Variants in PAPOLG observed in about 807,000 individuals in gnomAD.
PAPOLG encodes PAP-gamma.
A neutral mutation model predicts 99.0 loss-of-function variants in PAPOLG; 40 were observed. That is an observed-to-expected ratio of 0.40 (90% confidence interval 0.31 to 0.53). The LOEUF (loss-of-function observed/expected upper bound fraction) is 0.53. Ranked by LOEUF, PAPOLG falls within the 20% of genes least tolerant of loss-of-function variation. The pLI is 0.41. For missense variants in PAPOLG, 675 were observed against 884.1 expected, an observed-to-expected ratio of 0.76 and a Z score of 3.00; for synonymous variants, 310 against 299.3, an observed-to-expected ratio of 1.04 and a Z score of -0.37.
At chr2:60,762,947 A>T (rs906044172) in intron 3 of PAPOLG, among the ~76,000 whole-genome samples, 26 of 147,132 alleles carry the variant, frequency 1.8e-4, no homozygotes, top group Admixed American at 6.7e-4. Context: ...TCATTATTTT[A>T]TTTTATTTTT....
At position 60,774,722 on chromosome 2, in the gene PAPOLG, A is replaced by G. The variant is rs906922403; in HGVS notation, c.605-312A>G. ...TTTCCAGATTGTAACAGTAAATTAC[A>G]GTATTTGTGGAAAAGGTTTACATTG... On this transcript the variant is annotated intron_variant, in intron 7 of 21. Coordinates refer to ENST00000238714, the MANE Select transcript of PAPOLG (RefSeq NM_022894.4). Among the ~76,000 whole-genome samples, 4 of 152,328 alleles carry G rather than the reference A, an allele frequency of 2.6e-5. No homozygotes were observed. In the South Asian group the frequency reaches 8.3e-4, roughly 32 times the overall value.
intron 3 of PAPOLG, 137 bp downstream of exon 3, chr2:60,761,944 CT>C (rs1670532708): frequency 1.5e-6 from 1 of 687,808 alleles, no homozygotes; most frequent in South Asian, 1.9e-5. Context: ...ATGAATTGGT[CT>C]AGACAGTTGA....
At chr2:60,764,878 T>C (rs1457293237) in intron 3 of PAPOLG, among the ~76,000 whole-genome samples, 2 of 152,194 alleles carry the variant, frequency 1.3e-5, no homozygotes, top group Admixed American at 6.5e-5. Context: ...CTATTTACTT[T>C]TGTTGCCAAA....
intron 3 of PAPOLG, among the ~76,000 whole-genome samples, chr2:60,767,955 G>A (rs1320696436): frequency 6.6e-6 from 1 of 152,144 alleles, no homozygotes; most frequent in Non-Finnish European, 1.5e-5. Flanking sequence ...GGGTGAATTT[G>A]TTTTGTCTTT....
At chr2:60,774,596 C>T (rs1194563451) in intron 7 of PAPOLG, among the ~76,000 whole-genome samples, 2 of 152,142 alleles carry the variant, frequency 1.3e-5, no homozygotes, top group Non-Finnish European at 2.9e-5. Flanking sequence ...GAGCGCCTGA[C>T]CTCAGGTGAT....
Position 60,797,289 on chromosome 2 carries a change from C to T in PAPOLG, c.*129C>T. Reference sequence around the variant, plus strand: ...AAGTGACAGCCTTCAGTCTAATAACCTTGAAGTGGTTTTTGAACTGTCAAA... The same window carrying T: ...AAGTGACAGCCTTCAGTCTAATAACTTTGAAGTGGTTTTTGAACTGTCAAA... On this transcript the variant is annotated 3_prime_UTR_variant, in exon 22 of 22. Transcript: ENST00000238714. The T allele has an allele frequency of 8.4e-7, 1 of 1,194,792 alleles. No individual in the cohort carries two copies. Among genetic ancestry groups the T allele is most frequent in the South Asian group, 1.4e-5 (1 of 71,826 alleles). The allele number at this position is 1,194,792 out of a possible 1,614,324, so 74.0% of individuals were successfully genotyped here.
In PAPOLG at chr2:60,756,487, G is replaced by C. The variant is rs1245063360; in HGVS notation, c.9G>C (p.Glu3Asp). Residue 3 changes from glutamate to aspartate, a missense_variant, in exon 1 of 22, where the codon GAG becomes GAC. Glu to Asp is a conservative substitution (Grantham distance 45). This residue lies in a region of PAPOLG where 149 missense variants were observed against 192.1 expected (regional missense o/e 0.78). Transcript: ENST00000238714. MK[E>D]MSANTVLDSQ... ...GGGAGACGCAGGAAGCGATGAAAGA[G>C]ATGTCTGCGTAAGTGGTGGGGGGCG... The C allele has an allele frequency of 1.3e-6, 2 of 1,586,294 alleles. No individual in the cohort carries two copies. Among genetic ancestry groups the C allele is most frequent in the Non-Finnish European group, 1.7e-6 (2 of 1,163,764 alleles).
chr2:60,764,503 G>A (rs988171024), intron 3 of PAPOLG, among the ~76,000 whole-genome samples: 21 of 150,212 alleles, frequency 1.4e-4, no homozygotes, highest in African/African-American at 4.7e-4. Flanking sequence ...TGCAACCTCC[G>A]CCTCCCAGGC....
intron 8 of PAPOLG, 21 bp downstream of exon 8, chr2:60,775,144 A>G (rs761935001): frequency 6.3e-7 from 1 of 1,589,328 alleles, no homozygotes; most frequent in South Asian, 1.2e-5. Flanking sequence ...CTAGTCTTTT[A>G]TGTTTGCATT....
At position 60,757,075 on chromosome 2, in the gene PAPOLG, G is replaced by A. The variant is rs116017619; in HGVS notation, c.17+580G>A. On this transcript the variant is annotated intron_variant, in intron 1 of 21. Transcript: ENST00000238714. ...CTTTGATAAGTCAGAAACAGTTCCC[G>A]TACTTGGCAAGATTTTGTTGTAGCT... 7.5e-3 allele frequency among the ~76,000 whole-genome samples: 1,137 copies of A among 151,238 alleles called. 6 individuals carry two copies. The highest frequency in any genetic ancestry group is 0.011 in the Non-Finnish European group (761 of 67,846).
At position 60,782,784 on chromosome 2, in the gene PAPOLG, T is replaced by C; in HGVS notation, c.1112+14T>C. 1 of 1,550,922 alleles carries C rather than the reference T, an allele frequency of 6.4e-7. No individual in the cohort carries two copies. The highest frequency in any genetic ancestry group is 8.6e-7 in the Non-Finnish European group (1 of 1,158,030). ...TCAAAAGTATAGGTACGTGAAATTT[T>C]GTATTTTGTATGTATGTGATTTTTT... On this transcript the variant is annotated intron_variant, in intron 12 of 21. Coordinates refer to ENST00000238714, the MANE Select transcript of PAPOLG (RefSeq NM_022894.4).
At chr2:60,770,690 C>G (rs531482545) in intron 6 of PAPOLG, among the ~76,000 whole-genome samples, 179 bp downstream of exon 6, 1 of 151,786 alleles carries the variant, frequency 6.6e-6, no homozygotes, top group Admixed American at 6.6e-5. Flanking sequence ...GTGACACAAT[C>G]ATAGCTCACT....
chr2:60,762,772 G>A (rs1282474517), intron 3 of PAPOLG, among the ~76,000 whole-genome samples: 3 of 151,254 alleles, frequency 2.0e-5, no homozygotes, highest in Admixed American at 1.3e-4. Context: ...GACTACAGAC[G>A]TGTACCACCA....
At chr2:60,766,302 T>A (rs17538127) in intron 3 of PAPOLG, among the ~76,000 whole-genome samples, 2,120 of 151,708 alleles carry the variant, frequency 0.014, 37 homozygotes, top group Middle Eastern at 0.041. Flanking sequence ...TGTTAGGGAG[T>A]AAGGATAACC....
chr2:60,785,995 T>TA (rs1176763016), intron 13 of PAPOLG, among the ~76,000 whole-genome samples: 12 of 151,924 alleles, frequency 7.9e-5, no homozygotes, highest in South Asian at 4.2e-4. Context: ...GTTCTTCTAT[T>TA]AAAAAAAAGA....
chr2:60,779,963 TA>T (rs1168006873), intron 9 of PAPOLG, among the ~76,000 whole-genome samples, 188 bp downstream of exon 9: 1 of 152,250 alleles, frequency 6.6e-6, no homozygotes, highest in Non-Finnish European at 1.5e-5. Flanking sequence ...CAGGGATTTG[TA>T]AATGTGGGCC....
intron 1 of PAPOLG, among the ~76,000 whole-genome samples, chr2:60,759,029 C>T (rs1670443366): frequency 6.6e-6 from 1 of 152,120 alleles, no homozygotes; most frequent in Non-Finnish European, 1.5e-5. Context: ...CTGTTGGTCC[C>T]AGAATTTATT....
chr2:60,756,304 C>T lies in PAPOLG; in HGVS notation c.-175C>T, dbSNP rs1356407818. The stretch of plus-strand genomic sequence containing the variant: ...CCGCGCTGTATTGTCATAAATAGAG[C>T]CGGTTTTGTGGTGTTTTCACTACTC... On this transcript the variant is annotated 5_prime_UTR_variant, in exon 1 of 22. Coordinates refer to ENST00000238714, the MANE Select transcript of PAPOLG (RefSeq NM_022894.4). 3.9e-5 allele frequency: 29 copies of T among 748,288 alleles called. No individual in the cohort carries two copies. The South Asian group carries it at 4.4e-4, about 11-fold the overall frequency. 46.4% of individuals were successfully genotyped at this position (748,288 alleles called of 1,614,324 possible). A position where few individuals can be genotyped will look rare whatever the true frequency, so the allele number is the denominator to read the frequency against.
intron 16 of PAPOLG, 22 bp downstream of exon 16, chr2:60,791,904 T>A (rs370399328): frequency 3.1e-6 from 5 of 1,606,308 alleles, no homozygotes; most frequent in Admixed American, 1.7e-5. Flanking sequence ...ATCTTAACCC[T>A]TCAGTATGGT....
Sources: allele counts gnomAD v4.1 joint callset (sites outside exome capture counted in the v4.1 genomes callset), GRCh38; gene constraint gnomAD v4.1.1; regional missense constraint gnomAD v4.1.1; transcripts MANE v1.5; gene names NCBI Gene and HGNC (gene_info 2026-07-23, HGNC 2026-07-21).